Variants in FAM47E observed in about 807,000 individuals in gnomAD.
The protein encoded by FAM47E is family with sequence similarity 47 member E, also known as protein FAM47E.
FAM47E carries 32 observed loss-of-function variants against 41.6 expected under a neutral mutation model. The ratio of observed to expected loss-of-function variants is 0.77; its 90% confidence interval spans 0.58 to 1.03. FAM47E has a LOEUF of 1.03. FAM47E is among the 50% of genes least tolerant of loss of function. The pLI is 0.00. For missense variants in FAM47E, 424 were observed against 485.4 expected, an observed-to-expected ratio of 0.87 and a Z score of 1.19; for synonymous variants, 184 against 188.7, an observed-to-expected ratio of 0.98 and a Z score of 0.20.
intron 2 of FAM47E, among the ~76,000 whole-genome samples, chr4:76,245,788 C>T (rs1733814238): frequency 6.6e-6 from 1 of 152,150 alleles, no homozygotes; most frequent in Non-Finnish European, 1.5e-5. Context: ...CACTATCTTC[C>T]TTTAAGTGTG....
intron 1 of FAM47E, among the ~76,000 whole-genome samples, chr4:76,215,530 A>G (rs1733190114): frequency 6.6e-6 from 1 of 152,196 alleles, no homozygotes; most frequent in Non-Finnish European, 1.5e-5. Flanking sequence ...CCTTTCGTTG[A>G]GAGGTGGGGT....
At chr4:76,254,649 C>T (rs1286345907) in intron 1 of FAM47E, among the ~76,000 whole-genome samples, 1 of 152,102 alleles carries the variant, frequency 6.6e-6, no homozygotes, top group Non-Finnish European at 1.5e-5. Context: ...CTTAAAAACA[C>T]TTTGTAGCAA....
At chr4:76,239,030 T>C (rs180671933) in intron 2 of FAM47E, among the ~76,000 whole-genome samples, 2 of 152,356 alleles carry the variant, frequency 1.3e-5, no homozygotes, top group Admixed American at 6.5e-5. Flanking sequence ...TAACATAATG[T>C]CCTCAAGATT....
intron 2 of FAM47E, among the ~76,000 whole-genome samples, chr4:76,226,827 G>A (rs2136053): frequency 0.91 from 138,443 of 152,194 alleles, 64,349 homozygotes; most frequent in East Asian, 1. Context: ...TGTTCATAGT[G>A]ACCTTAAATG....
intron 2 of FAM47E, among the ~76,000 whole-genome samples, chr4:76,225,704 A>C (rs1179792500): frequency 6.6e-6 from 1 of 152,222 alleles, no homozygotes; most frequent in African/African-American, 2.4e-5. Context: ...GACTTGCGTA[A>C]GTTAAACCAC....
chr4:76,225,040 T>A (rs1422515538), intron 2 of FAM47E, among the ~76,000 whole-genome samples: 1 of 152,168 alleles, frequency 6.6e-6, no homozygotes, highest in Non-Finnish European at 1.5e-5. Flanking sequence ...GATACAATGT[T>A]TGGTTTTCTA....
At chr4:76,228,098 T>TTC (rs1275082590) in intron 2 of FAM47E, among the ~76,000 whole-genome samples, 1 of 151,856 alleles carries the variant, frequency 6.6e-6, no homozygotes, top group Admixed American at 6.6e-5. Flanking sequence ...ACCTTTTTTT[T>TTC]TCATTGTGTT....
At chr4:76,251,104 A>G (rs1286231952), upstream of FAM47E, among the ~76,000 whole-genome samples, 1 of 152,096 alleles carries the variant, frequency 6.6e-6, no homozygotes, top group Non-Finnish European at 1.5e-5. Context: ...AAAACGAAAC[A>G]CACCCTCGTG....
chr4:76,278,305 C>G, intron 6 of FAM47E, 81 bp downstream of exon 6: 1 of 1,362,798 alleles, frequency 7.3e-7, no homozygotes, highest in Non-Finnish European at 9.5e-7. Flanking sequence ...GAACCAGACT[C>G]TGCGGCGTAA....
chr4:76,278,261 C>A (rs964051), intron 6 of FAM47E, 37 bp downstream of exon 6: 582,780 of 1,461,170 alleles, frequency 0.4, 118,597 homozygotes, highest in Admixed American at 0.45. Flanking sequence ...ATCTGAGCTT[C>A]AGATGATCAC....
intron 2 of FAM47E, among the ~76,000 whole-genome samples, chr4:76,226,067 TC>T (rs1167326201): frequency 6.6e-6 from 1 of 152,040 alleles, no homozygotes; most frequent in Non-Finnish European, 1.5e-5. Flanking sequence ...GTTGGGGTGA[TC>T]AGACTCAACA....
chr4:76,224,582 G>C (rs1225902039), intron 2 of FAM47E, among the ~76,000 whole-genome samples: 1 of 151,932 alleles, frequency 6.6e-6, no homozygotes, highest in African/African-American at 2.4e-5. Context: ...TTATTTTATT[G>C]AGACAGGATC....
At chr4:76,230,357 C>T (rs1014870357) in intron 2 of FAM47E, among the ~76,000 whole-genome samples, 7 of 151,810 alleles carry the variant, frequency 4.6e-5, no homozygotes, top group Admixed American at 2.0e-4. Flanking sequence ...TGGTCTTGCT[C>T]GCTCTGTGCC....
chr4:76,279,343 A>T lies in FAM47E; in HGVS notation c.1027-921A>T, dbSNP rs1341699210. 2.0e-5 allele frequency: 3 copies of T among 152,212 alleles called. No individual in the cohort carries two copies. The East Asian group carries it at 5.8e-4, about 29-fold the overall frequency. The allele number at this position is 152,212 out of a possible 1,614,324, so 9.4% of individuals were successfully genotyped here. ...TAGCTACAAACTTTTGCTTTAAGGTATCTAGAGTTCTCTTTTTAAAAGCAT... is the reference window on the plus strand; with the variant it reads ...TAGCTACAAACTTTTGCTTTAAGGTTTCTAGAGTTCTCTTTTTAAAAGCAT... On this transcript the variant is annotated intron_variant, in intron 6 of 7. Coordinates refer to ENST00000424749, the MANE Select transcript of FAM47E (RefSeq NM_001136570.3).
intron 6 of FAM47E, chr4:76,279,399 A>G (rs892937999): frequency 6.6e-6 from 1 of 152,272 alleles, no homozygotes; most frequent in African/African-American, 2.4e-5. Context: ...AAAGACTTCA[A>G]AAGTTTTACA....
intron 5 of FAM47E, among the ~76,000 whole-genome samples, chr4:76,276,544 G>A (rs1387567104): frequency 6.6e-6 from 1 of 151,516 alleles, no homozygotes; most frequent in Non-Finnish European, 1.5e-5. Context: ...AGCTAATTTT[G>A]TATATTTAGT....
chr4:76,230,857 G>T (rs1733480551), intron 2 of FAM47E, among the ~76,000 whole-genome samples: 1 of 152,102 alleles, frequency 6.6e-6, no homozygotes, highest in Non-Finnish European at 1.5e-5. Context: ...TTATGCCATG[G>T]ACACTAACGT....
chr4:76,227,398 G>C (rs1733416794), intron 2 of FAM47E, among the ~76,000 whole-genome samples: 1 of 152,192 alleles, frequency 6.6e-6, no homozygotes, highest in South Asian at 2.1e-4. Flanking sequence ...TGTGGTTTGA[G>C]AGGGTACTTG....
At chr4:76,273,696 T>C (rs781706917) in intron 5 of FAM47E, among the ~76,000 whole-genome samples, 1 of 152,206 alleles carries the variant, frequency 6.6e-6, no homozygotes, top group Non-Finnish European at 1.5e-5. Context: ...GGACTATATT[T>C]CTTCAAACTT....
Sources: gnomAD v4.1 joint callset for allele counts (sites outside exome capture counted in the v4.1 genomes callset) on GRCh38, gnomAD v4.1.1 for gene constraint, MANE v1.5 for transcripts, NCBI Gene and HGNC (gene_info 2026-07-23, HGNC 2026-07-21) for gene names.